Variants in PRKN observed in about 807,000 individuals in gnomAD.
PRKN encodes the protein E3 ubiquitin-protein ligase parkin.
In PRKN, 56 loss-of-function variants were observed where a neutral mutation model predicts 59.5. The observed-to-expected ratio is 0.94, with a 90% CI of 0.76 to 1.18. The LOEUF (loss-of-function observed/expected upper bound fraction) is 1.18, where lower values mean the gene tolerates loss of function less well. Among genes scored for constraint, PRKN ranks in the 50% most tolerant of loss-of-function variants. PRKN has a pLI of 0.00. For synonymous variants in PRKN, 250 were observed against 222.1 expected (o/e 1.13, Z -1.12); for missense variants, 657 against 596.4 (o/e 1.10, Z -1.06).
chr6:162,557,001 C>CT (rs1446731926), intron 1 of PRKN, among the ~76,000 whole-genome samples: 1 of 152,046 alleles, frequency 6.6e-6, no homozygotes, highest in Non-Finnish European at 1.5e-5. Context: ...AGATGTGTAT[C>CT]TTTTATATCC....
At chr6:162,572,080 T>C (rs1254614896) in intron 1 of PRKN, among the ~76,000 whole-genome samples, 4 of 152,162 alleles carry the variant, frequency 2.6e-5, no homozygotes, top group Admixed American at 2.6e-4. Flanking sequence ...CCAGCCTGCA[T>C]CCTGGCACCT....
rs746909592 is a variant in PRKN, at chr6:161,666,168, C to A, written c.872-96752G>T. Among the ~76,000 whole-genome samples, 137 of 152,058 alleles carry A rather than the reference C, an allele frequency of 9.0e-4. 2 individuals carry two copies. Among genetic ancestry groups the A allele is most frequent in the Non-Finnish European group, 1.8e-4 (12 of 68,028 alleles). On this transcript the variant is annotated intron_variant, in intron 7 of 11. Coordinates refer to ENST00000366898, the MANE Select transcript of PRKN (RefSeq NM_004562.3). ...ATCCTCAGACAAACCCACTACAGGGCAGGGGGTCCCCAACCTCCCGAGCCA... is the reference window on the plus strand; with the variant it reads ...ATCCTCAGACAAACCCACTACAGGGAAGGGGGTCCCCAACCTCCCGAGCCA...
intron 1 of PRKN, among the ~76,000 whole-genome samples, chr6:162,511,850 C>CA (rs1777633078): frequency 6.6e-6 from 1 of 152,114 alleles, no homozygotes; most frequent in South Asian, 2.1e-4. Context: ...AACTGCACTT[C>CA]ACATAAAGAG....
intron 3 of PRKN, among the ~76,000 whole-genome samples, chr6:162,228,131 G>C (rs1053417640): frequency 6.6e-6 from 1 of 152,114 alleles, no homozygotes; most frequent in African/African-American, 2.4e-5. Flanking sequence ...TTACAAGAGG[G>C]ATTGAACCAC....
intron 4 of PRKN, among the ~76,000 whole-genome samples, chr6:162,158,620 G>A (rs964286730): frequency 2.0e-5 from 3 of 151,756 alleles, no homozygotes; most frequent in South Asian, 2.1e-4. Context: ...TAGTAGAGAC[G>A]GGGTTTCACC....
At chr6:161,937,475 T>G (rs940062729) in intron 6 of PRKN, among the ~76,000 whole-genome samples, 1 of 152,242 alleles carries the variant, frequency 6.6e-6, no homozygotes, top group Non-Finnish European at 1.5e-5. Context: ...CTGATGCTTT[T>G]CTAAGGCTTT....
intron 1 of PRKN, among the ~76,000 whole-genome samples, chr6:162,491,186 T>A (rs1335641638): frequency 6.7e-6 from 1 of 150,248 alleles, no homozygotes; most frequent in Non-Finnish European, 1.5e-5. Flanking sequence ...ACACGATTCA[T>A]TTGAACCCAG....
intron 5 of PRKN, among the ~76,000 whole-genome samples, chr6:162,021,077 T>A (rs546692664): frequency 1.9e-4 from 27 of 139,602 alleles, no homozygotes; most frequent in Admixed American, 3.0e-4. Flanking sequence ...CACTCCAGCC[T>A]GGGTGACAGA....
chr6:161,496,650 G>T lies in PRKN; in HGVS notation c.1083+52204C>A, dbSNP rs114048915. The stretch of plus-strand genomic sequence containing the variant: ...GATTCAATTATCTCCACCTGGCCCA[G>T]CCCTTGATCTGTGGGGATTATTACA... On this transcript the variant is annotated intron_variant, in intron 9 of 11. Coordinates refer to ENST00000366898, the MANE Select transcript of PRKN (RefSeq NM_004562.3). Among the ~76,000 whole-genome samples the T allele has an allele frequency of 7.7e-3, 1,173 of 152,320 alleles. 16 individuals carry two copies. The highest frequency in any genetic ancestry group is 0.026 in the African/African-American group (1,076 of 41,556).
chr6:161,763,805 C>T (rs933344762), intron 7 of PRKN, among the ~76,000 whole-genome samples: 11 of 152,040 alleles, frequency 7.2e-5, no homozygotes, highest in South Asian at 2.1e-4. Flanking sequence ...AAGACCTACC[C>T]GTCCTGAGCT....
chr6:161,892,917 A>G (rs926416213), intron 6 of PRKN, among the ~76,000 whole-genome samples: 2 of 152,206 alleles, frequency 1.3e-5, no homozygotes, highest in African/African-American at 4.8e-5. Flanking sequence ...ATCTTGCCTC[A>G]CTGCAACCTC....
chr6:162,535,772 G>A (rs1400204646), intron 1 of PRKN, among the ~76,000 whole-genome samples: 6 of 151,854 alleles, frequency 4.0e-5, no homozygotes, highest in African/African-American at 9.7e-5. Flanking sequence ...AGCCGGGCAC[G>A]GTGGTACATG....
At position 162,094,587 on chromosome 6, in the gene PRKN, T is replaced by A. The variant is rs527981476; in HGVS notation, c.535-40413A>T. 4.6e-5 allele frequency among the ~76,000 whole-genome samples: 7 copies of A among 152,250 alleles called. No individual in the cohort carries two copies. In the South Asian group the frequency reaches 1.0e-3, roughly 23 times the overall value. ...CCTGACATAGTGAGAGGAAGTATCATTATTTGAAGGACTTTGAATGTTTCT... is the reference window on the plus strand; with the variant it reads ...CCTGACATAGTGAGAGGAAGTATCAATATTTGAAGGACTTTGAATGTTTCT... On this transcript the variant is annotated intron_variant, in intron 4 of 11. Transcript: ENST00000366898.
chr6:162,136,184 G>C (rs1453440725), intron 4 of PRKN, among the ~76,000 whole-genome samples: 1 of 150,776 alleles, frequency 6.6e-6, no homozygotes, highest in Non-Finnish European at 1.5e-5. Context: ...AAATTGTATA[G>C]GTATAATTTT....
intron 1 of PRKN, among the ~76,000 whole-genome samples, chr6:162,678,248 A>T (rs1324545681): frequency 6.6e-6 from 1 of 152,088 alleles, no homozygotes; most frequent in Non-Finnish European, 1.5e-5. Flanking sequence ...ATTACAAATA[A>T]AGCTGCTATG....
chr6:161,932,699 CT>C (rs1779210737), intron 6 of PRKN, among the ~76,000 whole-genome samples: 1 of 152,146 alleles, frequency 6.6e-6, no homozygotes, highest in African/African-American at 2.4e-5. Flanking sequence ...AGCTAGAATG[CT>C]TATGTACAAC....
At chr6:162,704,510 T>G (rs1159183789) in intron 1 of PRKN, among the ~76,000 whole-genome samples, 1 of 152,226 alleles carries the variant, frequency 6.6e-6, no homozygotes, top group Non-Finnish European at 1.5e-5. Context: ...TTAAACTATG[T>G]GTCAAAGCTC....
chr6:161,528,722 G>A (rs997411008), intron 9 of PRKN, among the ~76,000 whole-genome samples: 1 of 152,202 alleles, frequency 6.6e-6, no homozygotes, highest in African/African-American at 2.4e-5. Context: ...GTTAGACACT[G>A]AGTAACTTCT....
At chr6:162,218,549 G>A (rs376214672) in intron 3 of PRKN, among the ~76,000 whole-genome samples, 12 of 152,106 alleles carry the variant, frequency 7.9e-5, no homozygotes, top group Non-Finnish European at 1.2e-4. Context: ...TTATTTATTC[G>A]TTTATTAGTT....
Sources: gnomAD v4.1 joint callset for allele counts (sites outside exome capture counted in the v4.1 genomes callset) on GRCh38, gnomAD v4.1.1 for gene constraint, MANE v1.5 for transcripts, NCBI Gene and HGNC (gene_info 2026-07-23, HGNC 2026-07-21) for gene names.